The following NUDT3 variants were observed in gnomAD, a reference collection of about 807,000 sequenced individuals.
NUDT3 encodes nudix hydrolase 3.
A neutral mutation model predicts 23.6 loss-of-function variants in NUDT3; 9 were observed. The ratio of observed to expected loss-of-function variants is 0.38; its 90% CI spans 0.23 to 0.66. The LOEUF is 0.66. Among genes scored for constraint, NUDT3 ranks in the 30% least tolerant of loss-of-function variants. The pLI, the probability that NUDT3 is intolerant of heterozygous loss-of-function variation, is 0.52. For synonymous variants in NUDT3, 86 were observed against 82.6 expected (o/e 1.04, Z -0.22); for missense variants, 172 against 218.5 (o/e 0.79, Z 1.34).
intron 1 of NUDT3, among the ~76,000 whole-genome samples, chr6:34,379,636 C>T (rs964039456): frequency 2.0e-5 from 3 of 151,992 alleles, no homozygotes; most frequent in Non-Finnish European, 4.4e-5. Flanking sequence ...GTCTCGAATT[C>T]CTGGCCTCAA....
Position 34,367,841 on chromosome 6 carries a change from G to C in NUDT3, c.99+24423C>G, listed in dbSNP as rs140433466. Among the ~76,000 whole-genome samples, 131 of 152,324 alleles carry C rather than the reference G, an allele frequency of 8.6e-4. No individual in the cohort carries two copies. In the East Asian group the frequency reaches 0.011, roughly 12 times the overall value. The stretch of plus-strand genomic sequence containing the variant: ...GATGGAGAAAGAAGAGCTGTGCCAT[G>C]GGCAAAACTGGCTACCATTTTGGGG... On this transcript the variant is annotated intron_variant, in intron 1 of 4. Transcript: ENST00000607016.
chr6:34,378,087 G>C (rs1465445079), intron 1 of NUDT3, among the ~76,000 whole-genome samples: 1 of 151,422 alleles, frequency 6.6e-6, no homozygotes, highest in Non-Finnish European at 1.5e-5. Context: ...CAGGAAGACT[G>C]CTTGATCCCA....
At chr6:34,344,477 CGCAGAATAA>C (rs60230960) in intron 1 of NUDT3, among the ~76,000 whole-genome samples, 89 of 152,186 alleles carry the variant, frequency 5.8e-4, no homozygotes, top group African/African-American at 2.0e-3. Flanking sequence ...ATATGAAATA[CGCAGAATAA>C]GCAGAATAAG....
intron 1 of NUDT3, among the ~76,000 whole-genome samples, chr6:34,350,714 C>A (rs1185732803): frequency 6.6e-6 from 1 of 150,422 alleles, no homozygotes; most frequent in African/African-American, 2.5e-5. Flanking sequence ...TTTTTAGCTA[C>A]AGAGGAACTA....
intron 3 of NUDT3, 145 bp from the exon 4 acceptor site, chr6:34,293,680 C>T: frequency 1.1e-6 from 1 of 932,022 alleles, no homozygotes; most frequent in Non-Finnish European, 1.6e-6. Flanking sequence ...ACAGTTATAG[C>T]TACATGATTT....
rs150217488 is a variant in NUDT3, at chr6:34,388,873, T to G, written c.99+3391A>C. Among the ~76,000 whole-genome samples the G allele has an allele frequency of 8.6e-4, 131 of 152,342 alleles. No individual in the cohort carries two copies. The East Asian group carries it at 0.011, about 12-fold the overall frequency. ...TGTAACACCCACTGAATCTGTAATT[T>G]AAAGCTTTGCATGATTCCTCGGCTC... On this transcript the variant is annotated intron_variant, in intron 1 of 4. Coordinates refer to ENST00000607016, the MANE Select transcript of NUDT3 (RefSeq NM_006703.4).
intron 1 of NUDT3, among the ~76,000 whole-genome samples, chr6:34,365,772 G>T (rs1764717765): frequency 1.3e-5 from 2 of 151,782 alleles, no homozygotes; most frequent in South Asian, 4.2e-4. Context: ...GCCGGGTACG[G>T]GGCTCACGCC....
intron 1 of NUDT3, among the ~76,000 whole-genome samples, chr6:34,353,504 C>T (rs376680996): frequency 1.2e-4 from 18 of 149,554 alleles, no homozygotes; most frequent in African/African-American, 4.4e-4. Context: ...GGGGTTCAAA[C>T]GATTCTCTTA....
chr6:34,392,566 T>C lies in NUDT3; in HGVS notation c.-204A>G. On this transcript the variant is annotated 5_prime_UTR_variant, in exon 1 of 5. Transcript: ENST00000607016. ...AGGTCCCGCGCCGCCGCTGCCACCG[T>C]CACGGCTGCCGTCTCCGCTGCCGCC... The C allele has an allele frequency of 2.7e-6, 1 of 363,944 alleles. No individual in the cohort carries two copies. Among genetic ancestry groups the C allele is most frequent in the Non-Finnish European group, 4.9e-6 (1 of 203,254 alleles). 22.5% of individuals were successfully genotyped at this position (363,944 alleles called of 1,614,324 possible).
At chr6:34,373,948 G>C (rs531499676) in intron 1 of NUDT3, among the ~76,000 whole-genome samples, 1 of 152,180 alleles carries the variant, frequency 6.6e-6, no homozygotes, top group South Asian at 2.1e-4. Flanking sequence ...GAGGTCAGGA[G>C]TTTGAGACCA....
chr6:34,321,386 C>G (rs1260103029), intron 2 of NUDT3, among the ~76,000 whole-genome samples: 2 of 151,474 alleles, frequency 1.3e-5, no homozygotes. Flanking sequence ...TGCAGTGAGC[C>G]GAGATCGTAC....
chr6:34,315,248 C>A (rs764768117), intron 2 of NUDT3, among the ~76,000 whole-genome samples: 2 of 152,182 alleles, frequency 1.3e-5, no homozygotes, highest in African/African-American at 2.4e-5. Flanking sequence ...CTGAAAGCCT[C>A]CTCAATTTTC....
intron 1 of NUDT3, among the ~76,000 whole-genome samples, chr6:34,387,191 G>C (rs1014836981): frequency 1.3e-5 from 2 of 151,914 alleles, no homozygotes; most frequent in African/African-American, 4.8e-5. Context: ...ACTGGTTTCT[G>C]TATTTACTAT....
chr6:34,354,595 C>T (rs1764530868), intron 1 of NUDT3, among the ~76,000 whole-genome samples: 1 of 151,532 alleles, frequency 6.6e-6, no homozygotes, highest in Non-Finnish European at 1.5e-5. Flanking sequence ...TGGTGGCAGG[C>T]ACCTGTAGTT....
chr6:34,289,031 AAC>A, intron 4 of NUDT3, 100 bp from the exon 5 acceptor site: 5 of 1,385,110 alleles, frequency 3.6e-6, no homozygotes, highest in Non-Finnish European at 4.7e-6. Context: ...AATGTTTCTT[AAC>A]ACTTTTTTTC....
chr6:34,342,120 C>T (rs1055172837), intron 1 of NUDT3, 148 bp from the exon 2 acceptor site: 23 of 701,500 alleles, frequency 3.3e-5, no homozygotes, highest in Middle Eastern at 2.5e-4. Context: ...AAGTAGCTTT[C>T]GTTTCTATTT....
chr6:34,354,321 G>A (rs1476878685), intron 1 of NUDT3, among the ~76,000 whole-genome samples: 2 of 151,782 alleles, frequency 1.3e-5, no homozygotes, highest in Non-Finnish European at 2.9e-5. Flanking sequence ...AGGAGTTTGA[G>A]GCTGCAGTGC....
At chr6:34,346,341 A>T (rs962783180) in intron 1 of NUDT3, among the ~76,000 whole-genome samples, 5 of 152,346 alleles carry the variant, frequency 3.3e-5, no homozygotes, top group African/African-American at 1.2e-4. Flanking sequence ...AAATAACAAC[A>T]CGTAGTCTTT....
chr6:34,357,916 A>G (rs1764587496), intron 1 of NUDT3, among the ~76,000 whole-genome samples: 1 of 152,132 alleles, frequency 6.6e-6, no homozygotes, highest in Non-Finnish European at 1.5e-5. Context: ...TTCTTCTAGT[A>G]ATTTATGACC....
Sources: allele counts gnomAD v4.1 joint callset (sites outside exome capture counted in the v4.1 genomes callset), GRCh38; gene constraint gnomAD v4.1.1; transcripts MANE v1.5; gene names NCBI Gene and HGNC (gene_info 2026-07-23, HGNC 2026-07-21).